Variants in KALRN observed in about 807,000 individuals in gnomAD.
KALRN encodes the protein kalirin RhoGEF kinase.
KALRN carries 70 observed loss-of-function variants against 353.7 expected under a neutral mutation model. The ratio of observed to expected loss-of-function variants is 0.20; its 90% CI spans 0.16 to 0.24. KALRN has a LOEUF of 0.24. Among genes scored for constraint, KALRN ranks in the 10% least tolerant of loss-of-function variants. The probability of loss-of-function intolerance (pLI) is 1.00; values close to 1 mark genes in which losing one functional copy is unlikely to be tolerated. For missense variants in KALRN, 2,791 were observed against 3,756.7 expected (o/e 0.74, Z 6.72); for synonymous variants, 1,391 against 1,434.8 (o/e 0.97, Z 0.69).
chr3:124,223,858 A>AAGCAATGTAAGCATAACACGTTTGG (rs1227737797), intron 1 of KALRN, among the ~76,000 whole-genome samples: 9 of 152,208 alleles, frequency 5.9e-5, no homozygotes, highest in Non-Finnish European at 1.2e-4. Flanking sequence ...TGATGACTAG[A>AAGCAATGTAAGCATAACACGTTTGG]AGCAATGTAA....
chr3:124,453,779 T>C (rs972544766), intron 21 of KALRN, among the ~76,000 whole-genome samples: 1 of 152,208 alleles, frequency 6.6e-6, no homozygotes, highest in African/African-American at 2.4e-5. Context: ...GTCTCTCTCA[T>C]TCCCATGACT....
intron 9 of KALRN, among the ~76,000 whole-genome samples, chr3:124,342,150 C>CTTTATTTATTTATTTATTTATTTATTTA (rs6148051): frequency 1.3e-5 from 2 of 150,626 alleles, no homozygotes; most frequent in East Asian, 1.9e-4. Context: ...GAGGGTATGC[C>CTTTATTTATTTATTTATTTATTTATTTA]TTTATTTATT....
intron 1 of KALRN, among the ~76,000 whole-genome samples, chr3:124,067,347 TACTC>T (rs1363770693): frequency 1.3e-5 from 2 of 148,342 alleles, no homozygotes; most frequent in Non-Finnish European, 1.5e-5. Context: ...GATGGGGAAT[TACTC>T]TGATGCAATG....
chr3:124,300,100 C>T (rs1234068294), intron 6 of KALRN, among the ~76,000 whole-genome samples: 1 of 152,172 alleles, frequency 6.6e-6, no homozygotes, highest in Non-Finnish European at 1.5e-5. Context: ...AAGAGAATTT[C>T]ATTGTCTACC....
At chr3:124,562,820 C>G (rs769399368) in intron 33 of KALRN, 23 bp from the exon 34 acceptor site, 7 of 1,337,934 alleles carry the variant, frequency 5.2e-6, no homozygotes, top group Non-Finnish European at 6.0e-6. Context: ...CTGTTCTACT[C>G]CCTCCACCAC....
At chr3:124,707,175 C>CA (rs924616495) in intron 57 of KALRN, among the ~76,000 whole-genome samples, 1 of 151,718 alleles carries the variant, frequency 6.6e-6, no homozygotes, top group African/African-American at 2.4e-5. Context: ...TTCATCTCTA[C>CA]AAAAAATAAA....
chr3:124,590,729 C>A (rs1289810491), intron 34 of KALRN, among the ~76,000 whole-genome samples: 4 of 152,090 alleles, frequency 2.6e-5, no homozygotes, highest in Non-Finnish European at 5.9e-5. Context: ...GACCTAACCC[C>A]AGGCTTTTCC....
intron 1 of KALRN, among the ~76,000 whole-genome samples, chr3:124,060,738 T>C (rs2149210962): frequency 6.6e-6 from 1 of 152,332 alleles, no homozygotes; most frequent in South Asian, 2.1e-4. Context: ...TACTGCTGAG[T>C]TGCTGAGCAT....
chr3:124,468,199 A>G (rs903503304), intron 25 of KALRN, among the ~76,000 whole-genome samples: 4 of 152,244 alleles, frequency 2.6e-5, no homozygotes, highest in Non-Finnish European at 5.9e-5. Flanking sequence ...TGCTATATAT[A>G]ACAGGGAAGT....
chr3:124,647,625 C>T (rs539333552), intron 37 of KALRN, among the ~76,000 whole-genome samples: 2 of 152,292 alleles, frequency 1.3e-5, no homozygotes, highest in African/African-American at 4.8e-5. Flanking sequence ...CAAGAGTGCC[C>T]ATTTTGGCTT....
At chr3:124,240,625 GTCA>G (rs1282898873) in intron 3 of KALRN, among the ~76,000 whole-genome samples, 1 of 152,234 alleles carries the variant, frequency 6.6e-6, no homozygotes, top group East Asian at 1.9e-4. Flanking sequence ...CTCATCTCCT[GTCA>G]TCATTGACTG....
chr3:124,070,533 A>G (rs893545741), intron 1 of KALRN, among the ~76,000 whole-genome samples: 1 of 152,142 alleles, frequency 6.6e-6, no homozygotes, highest in Non-Finnish European at 1.5e-5. Flanking sequence ...CCCTGTTTCC[A>G]TCTCTGATCT....
intron 3 of KALRN, among the ~76,000 whole-genome samples, chr3:124,244,440 T>C (rs2080875358): frequency 6.6e-6 from 1 of 152,128 alleles, no homozygotes; most frequent in Non-Finnish European, 1.5e-5. Context: ...TTTCACTATG[T>C]TGGGCAGGCT....
At chr3:124,238,273 G>A (rs1422219905) in intron 3 of KALRN, among the ~76,000 whole-genome samples, 1 of 152,212 alleles carries the variant, frequency 6.6e-6, no homozygotes, top group Non-Finnish European at 1.5e-5. Flanking sequence ...CTGACTTCAG[G>A]AGAGCTGCCC....
chr3:124,551,957 C>T (rs1039944940), intron 33 of KALRN, among the ~76,000 whole-genome samples: 5 of 152,170 alleles, frequency 3.3e-5, no homozygotes, highest in African/African-American at 9.7e-5. Context: ...TATTAGGATG[C>T]AATCTTTAGC....
At chr3:124,152,593 CTTT>C (rs58613752) in intron 1 of KALRN, 935 of 55,718 alleles carry the variant, frequency 0.017, no homozygotes, top group South Asian at 0.033. Context: ...TTCTTTCTTT[CTTT>C]TTTTTTTTTT....
chr3:124,211,552 T>G (rs185488511), intron 1 of KALRN, among the ~76,000 whole-genome samples: 1 of 152,264 alleles, frequency 6.6e-6, no homozygotes, highest in African/African-American at 2.4e-5. Flanking sequence ...GGCTCACAGG[T>G]AAAAGGTACA....
intron 5 of KALRN, among the ~76,000 whole-genome samples, chr3:124,272,810 G>A (rs1046473564): frequency 3.3e-5 from 5 of 152,168 alleles, no homozygotes; most frequent in Non-Finnish European, 7.3e-5. Context: ...ATATCTGCGC[G>A]GAGCTAAGTG....
At chr3:124,362,398 G>C (rs2084154475) in intron 10 of KALRN, among the ~76,000 whole-genome samples, 2 of 152,248 alleles carry the variant, frequency 1.3e-5, no homozygotes, top group African/African-American at 4.8e-5. Context: ...AGCCAGGTTT[G>C]AGACAGAGGG....
Sources: gnomAD v4.1 joint callset for allele counts (sites outside exome capture counted in the v4.1 genomes callset) on GRCh38, gnomAD v4.1.1 for gene constraint, MANE v1.5 for transcripts, NCBI Gene and HGNC (gene_info 2026-07-23, HGNC 2026-07-21) for gene names.